The following UNC5C variants were observed in gnomAD, a reference collection of about 807,000 sequenced individuals.
UNC5C encodes netrin receptor UNC5C.
UNC5C carries 47 observed loss-of-function variants against 99.8 expected under a neutral mutation model. The observed-to-expected ratio is 0.47, with a 90% CI of 0.37 to 0.60. The LOEUF (loss-of-function observed/expected upper bound fraction) is 0.60, where lower values mean the gene tolerates loss of function less well. Ranked by LOEUF, UNC5C falls within the 20% of genes least tolerant of loss-of-function variation. UNC5C has a pLI of 0.00. For synonymous variants in UNC5C, 487 were observed against 452.2 expected (o/e 1.08, Z -0.98); for missense variants, 1,062 against 1,165.9 (o/e 0.91, Z 1.30).
chr4:95,419,906 T>G (rs969928431), intron 1 of UNC5C, among the ~76,000 whole-genome samples: 10 of 152,170 alleles, frequency 6.6e-5, no homozygotes, highest in African/African-American at 2.4e-4. Flanking sequence ...ATAGCTCAGA[T>G]GTTCTTACAG....
intron 1 of UNC5C, among the ~76,000 whole-genome samples, chr4:95,526,760 T>C (rs948465224): frequency 6.6e-6 from 1 of 152,040 alleles, no homozygotes; most frequent in Non-Finnish European, 1.5e-5. Context: ...TAAAATATGT[T>C]TCACAATGTG....
At chr4:95,331,765 G>A (rs1743121996) in intron 2 of UNC5C, among the ~76,000 whole-genome samples, 1 of 152,078 alleles carries the variant, frequency 6.6e-6, no homozygotes, top group Non-Finnish European at 1.5e-5. Context: ...ATTTCACAGA[G>A]AAGAAATCTC....
intron 1 of UNC5C, among the ~76,000 whole-genome samples, chr4:95,528,933 A>AT (rs886928206): frequency 4.0e-5 from 6 of 151,748 alleles, no homozygotes; most frequent in African/African-American, 9.7e-5. Context: ...TTGTTACTTG[A>AT]TTTTTTTTTC....
intron 1 of UNC5C, among the ~76,000 whole-genome samples, chr4:95,344,350 T>A (rs1469983157): frequency 6.6e-6 from 1 of 151,868 alleles, no homozygotes; most frequent in African/African-American, 2.4e-5. Flanking sequence ...CAAGAGAAAA[T>A]ATACTTCAAA....
At chr4:95,527,866 A>G (rs1490156588) in intron 1 of UNC5C, among the ~76,000 whole-genome samples, 2 of 152,132 alleles carry the variant, frequency 1.3e-5, no homozygotes, top group Non-Finnish European at 2.9e-5. Context: ...ATCACTTTAC[A>G]CTATTCCCCT....
At chr4:95,422,980 T>G (rs1032219801) in intron 1 of UNC5C, among the ~76,000 whole-genome samples, 4 of 152,140 alleles carry the variant, frequency 2.6e-5, no homozygotes, top group Non-Finnish European at 4.4e-5. Context: ...AATTTTAAAT[T>G]TGTTGATTTT....
intron 8 of UNC5C, among the ~76,000 whole-genome samples, chr4:95,219,705 A>T (rs1330200029): frequency 6.6e-6 from 1 of 152,238 alleles, no homozygotes. Context: ...AGGAAGTTAA[A>T]AAAAGAGACT....
intron 12 of UNC5C, among the ~76,000 whole-genome samples, chr4:95,198,707 A>C (rs1230730190): frequency 2.6e-5 from 4 of 152,102 alleles, no homozygotes; most frequent in African/African-American, 7.2e-5. Flanking sequence ...GGGTATGAGA[A>C]GTACTGGCAC....
chr4:95,423,882 G>T (rs1055401892), intron 1 of UNC5C, among the ~76,000 whole-genome samples: 3 of 152,126 alleles, frequency 2.0e-5, no homozygotes, highest in Non-Finnish European at 4.4e-5. Context: ...TAAAGTTAAG[G>T]ATACACACAA....
intron 1 of UNC5C, among the ~76,000 whole-genome samples, chr4:95,514,994 G>T (rs1186085143): frequency 6.6e-6 from 1 of 151,940 alleles, no homozygotes. Context: ...ATATTTAAAT[G>T]GTGATATATT....
At position 95,185,093 on chromosome 4, in the gene UNC5C, T is replaced by C. The variant is rs146792764; in HGVS notation, c.2240A>G (p.Asp747Gly). The change falls in exon 13 of 16, where the codon GAT becomes GGT. Residue 747 changes from aspartate to glycine, a missense_variant. Around this residue, in one of 3 missense-constraint regions of UNC5C, gnomAD observed 810 missense variants for 854.5 expected, o/e 0.95. Coordinates refer to ENST00000453304, the MANE Select transcript of UNC5C (RefSeq NM_003728.4). ...STHNLRLSIH[D>G]IAHSLWKSKL... ...GCTCTTCCAGAGGGAATGGGCGATA[T>C]CGTGAATTGACAGGCGCAGGTTGTG... is the stretch of plus-strand genomic sequence containing the variant. 360 of 1,613,956 alleles carry C rather than the reference T, an allele frequency of 2.2e-4. No homozygotes were observed. Among genetic ancestry groups the C allele is most frequent in the Middle Eastern group, 1.5e-3 (9 of 6,062 alleles).
chr4:95,252,798 C>T (rs1299921566), intron 4 of UNC5C, among the ~76,000 whole-genome samples: 4 of 152,204 alleles, frequency 2.6e-5, no homozygotes, highest in African/African-American at 9.6e-5. Context: ...TCAGCATCCC[C>T]AAGGGAATGA....
At chr4:95,480,457 A>G (rs1578186314) in intron 1 of UNC5C, among the ~76,000 whole-genome samples, 1 of 151,934 alleles carries the variant, frequency 6.6e-6, no homozygotes, top group Non-Finnish European at 1.5e-5. Context: ...TCATGTATAC[A>G]TAATAGAATC....
intron 3 of UNC5C, among the ~76,000 whole-genome samples, chr4:95,299,399 T>C (rs1741789945): frequency 1.3e-5 from 2 of 152,186 alleles, no homozygotes; most frequent in East Asian, 1.9e-4. Flanking sequence ...GTTTAAGCCA[T>C]CCAATCCGTG....
Position 95,245,071 on chromosome 4 carries a change from A to G in UNC5C, c.849T>C (p.Arg283=), listed in dbSNP as rs772306430. The G allele has an allele frequency of 5.6e-6, 9 of 1,614,158 alleles. No individual in the cohort carries two copies. The highest frequency in any genetic ancestry group is 7.6e-6 in the Non-Finnish European group (9 of 1,180,022). ...NSRCGRGYQK[R]TRTCTNPAPL... is the part of the protein sequence containing the mutation. ...GTGCCGGGTTGGTACAAGTCCTTGT[A>G]CGTTTCTGATACCCTCGTCCACAGC... Residue 283 remains arginine (R), a synonymous_variant, in exon 6 of 16, where the codon CGT becomes CGC. Coordinates refer to ENST00000453304, the MANE Select transcript of UNC5C (RefSeq NM_003728.4).
chr4:95,396,643 T>G lies in UNC5C; in HGVS notation c.125-61012A>C, dbSNP rs572264313. On this transcript the variant is annotated intron_variant, in intron 1 of 15. Transcript: ENST00000453304. Reference sequence around the variant, plus strand: ...CCTGTCTTACCCTCTCTCGACTGGTTCCTTCTGAATGATGCCTTTCACCCA... The same window carrying G: ...CCTGTCTTACCCTCTCTCGACTGGTGCCTTCTGAATGATGCCTTTCACCCA... 4.6e-5 allele frequency among the ~76,000 whole-genome samples: 7 copies of G among 152,198 alleles called. No individual in the cohort carries two copies. In the South Asian group the frequency reaches 1.5e-3, roughly 32 times the overall value.
chr4:95,440,593 T>C (rs925247339), intron 1 of UNC5C, among the ~76,000 whole-genome samples: 1 of 152,132 alleles, frequency 6.6e-6, no homozygotes, highest in African/African-American at 2.4e-5. Context: ...ATTTCACTTG[T>C]ATATAATTTT....
chr4:95,309,723 G>A (rs1742206562), intron 2 of UNC5C, among the ~76,000 whole-genome samples: 3 of 152,074 alleles, frequency 2.0e-5, no homozygotes, highest in African/African-American at 4.8e-5. Flanking sequence ...TTAAAACAAT[G>A]AGATATCACC....
chr4:95,184,928 G>T, intron 13 of UNC5C, 119 bp downstream of exon 13: 2 of 1,150,978 alleles, frequency 1.7e-6, no homozygotes, highest in Non-Finnish European at 1.2e-6. Context: ...AAACTATTTT[G>T]GAGAAACAAG....
Sources: gnomAD v4.1 joint callset for allele counts (sites outside exome capture counted in the v4.1 genomes callset) on GRCh38, gnomAD v4.1.1 for gene constraint, gnomAD v4.1.1 regional missense constraint, MANE v1.5 for transcripts, NCBI Gene and HGNC (gene_info 2026-07-23, HGNC 2026-07-21) for gene names.